GRIA4: variants seen among roughly 807,000 people sequenced by gnomAD.
GRIA4 encodes the protein glutamate ionotropic receptor AMPA type subunit 4.
A neutral mutation model predicts 104.0 loss-of-function variants in GRIA4; 34 were observed. That is an observed-to-expected ratio of 0.33 (90% CI 0.25 to 0.44). GRIA4 has a LOEUF of 0.44. GRIA4 is among the 20% of genes least tolerant of loss of function. The pLI is 1.00. For missense variants in GRIA4, 750 were observed against 1,096.5 expected (o/e 0.68, Z 4.46); for synonymous variants, 386 against 381.9 (o/e 1.01, Z -0.13).
chr11:105,971,494 T>G (rs551565927), intron 14 of GRIA4, among the ~76,000 whole-genome samples: 6 of 152,290 alleles, frequency 3.9e-5, no homozygotes, highest in African/African-American at 7.2e-5. Flanking sequence ...TGAATCATAA[T>G]GCATGCAAGC....
intron 14 of GRIA4, among the ~76,000 whole-genome samples, chr11:105,941,021 T>C (rs1304878547): frequency 6.6e-6 from 1 of 152,164 alleles, no homozygotes; most frequent in Admixed American, 6.6e-5. Flanking sequence ...ACATCTGAGA[T>C]AACTGACACA....
At chr11:105,874,089 T>C (rs914476274) in intron 5 of GRIA4, among the ~76,000 whole-genome samples, 3 of 152,214 alleles carry the variant, frequency 2.0e-5, no homozygotes, top group African/African-American at 7.2e-5. Flanking sequence ...GAGTTAATTT[T>C]TGTATAAGGT....
chr11:105,828,693 G>T (rs1565268194), intron 4 of GRIA4, among the ~76,000 whole-genome samples: 1 of 151,414 alleles, frequency 6.6e-6, no homozygotes, highest in Non-Finnish European at 1.5e-5. Flanking sequence ...GAGGCTTTCA[G>T]ACTTTCACTC....
intron 3 of GRIA4, among the ~76,000 whole-genome samples, chr11:105,741,738 C>T (rs1369856299): frequency 6.6e-6 from 1 of 152,112 alleles, no homozygotes; most frequent in East Asian, 1.9e-4. Flanking sequence ...CAATATTTAT[C>T]CAATCATTTG....
At chr11:105,831,911 G>A (rs904480630) in intron 4 of GRIA4, among the ~76,000 whole-genome samples, 29 of 152,028 alleles carry the variant, frequency 1.9e-4, no homozygotes, top group African/African-American at 7.0e-4. Flanking sequence ...CTTTCTAAAT[G>A]GGGACACTGA....
chr11:105,717,593 G>A (rs2135565654), intron 3 of GRIA4, among the ~76,000 whole-genome samples: 1 of 151,898 alleles, frequency 6.6e-6, no homozygotes, highest in Non-Finnish European at 1.5e-5. Flanking sequence ...AATTCCAATG[G>A]TAATAAATTT....
rs745648977 is a variant in GRIA4, at chr11:105,980,937, A to G, written c.*1198A>G. The G allele has an allele frequency of 6.6e-6, 1 of 152,640 alleles. No individual in the cohort carries two copies. Among genetic ancestry groups the G allele is most frequent in the Admixed American group, 6.5e-5 (1 of 15,278 alleles). 9.5% of individuals were successfully genotyped at this position (152,640 alleles called of 1,614,324 possible). A position where few individuals can be genotyped will look rare whatever the true frequency, so the allele number is the denominator to read the frequency against. ...TGGGGAATGAATCACTGTCCTAACAACAACATACCTTGTAATTGTGTGTTG... is the reference window on the plus strand; with the variant it reads ...TGGGGAATGAATCACTGTCCTAACAGCAACATACCTTGTAATTGTGTGTTG... On this transcript the variant is annotated 3_prime_UTR_variant, in exon 17 of 17. Coordinates refer to ENST00000282499, the MANE Select transcript of GRIA4 (RefSeq NM_000829.4).
chr11:105,779,217 G>A (rs922850299), intron 4 of GRIA4, among the ~76,000 whole-genome samples: 1 of 151,822 alleles, frequency 6.6e-6, no homozygotes, highest in Non-Finnish European at 1.5e-5. Context: ...CCAAGTCTTT[G>A]CTATTGTGAA....
intron 3 of GRIA4, among the ~76,000 whole-genome samples, chr11:105,630,208 ATTTGTGAGTAAATTCC>A (rs1171718307): frequency 6.6e-6 from 1 of 152,176 alleles, no homozygotes; most frequent in Non-Finnish European, 1.5e-5. Context: ...ATGCTATTGT[ATTTGTGAGTAAATTCC>A]TAGTGCTTGA....
intron 3 of GRIA4, among the ~76,000 whole-genome samples, chr11:105,729,965 G>A (rs878995379): frequency 2.6e-5 from 4 of 152,176 alleles, no homozygotes; most frequent in South Asian, 2.1e-4. Flanking sequence ...TTAGAAAACC[G>A]GCACAAGACG....
At chr11:105,820,005 G>A (rs1943520716) in intron 4 of GRIA4, among the ~76,000 whole-genome samples, 2 of 152,056 alleles carry the variant, frequency 1.3e-5, no homozygotes, top group South Asian at 4.1e-4. Context: ...AGAGGTTGAA[G>A]TTATACTACT....
At chr11:105,961,860 C>A (rs1481451575) in intron 14 of GRIA4, among the ~76,000 whole-genome samples, 1 of 152,128 alleles carries the variant, frequency 6.6e-6, no homozygotes, top group Admixed American at 6.5e-5. Flanking sequence ...TATACTATTG[C>A]CATCATAGCC....
intron 4 of GRIA4, among the ~76,000 whole-genome samples, chr11:105,774,082 T>C (rs910490668): frequency 1.3e-4 from 20 of 151,624 alleles, no homozygotes; most frequent in African/African-American, 4.1e-4. Flanking sequence ...CCATCAAAAT[T>C]AGTAGATTAC....
intron 6 of GRIA4, among the ~76,000 whole-genome samples, chr11:105,895,024 C>T: frequency 9.6e-6 from 1 of 104,064 alleles, no homozygotes; most frequent in Admixed American, 1.1e-4. Flanking sequence ...TGGTCTCGAT[C>T]TCCTGACCTC....
chr11:105,725,987 C>A (rs1382935251), intron 3 of GRIA4, among the ~76,000 whole-genome samples: 1 of 152,118 alleles, frequency 6.6e-6, no homozygotes, highest in East Asian at 1.9e-4. Context: ...AGACACTGAG[C>A]TAGCTGCAGG....
chr11:105,668,677 C>G (rs71464752), intron 3 of GRIA4, among the ~76,000 whole-genome samples: 3 of 140,514 alleles, frequency 2.1e-5, no homozygotes, highest in African/African-American at 5.3e-5. Context: ...TATCTTTTGT[C>G]TTTTTTTTTT....
intron 14 of GRIA4, 24 bp from the exon 15 acceptor site, chr11:105,971,890 A>G: frequency 7.4e-7 from 1 of 1,354,334 alleles, no homozygotes; most frequent in Non-Finnish European, 1.1e-6. Context: ...ATATAATGTT[A>G]TTTATGTTAT....
chr11:105,810,276 C>G (rs1347055831), intron 4 of GRIA4, among the ~76,000 whole-genome samples: 1 of 152,166 alleles, frequency 6.6e-6, no homozygotes, highest in Admixed American at 6.5e-5. Context: ...GTGACAGTTG[C>G]AATCACTTAA....
chr11:105,688,306 C>T (rs1952965104), intron 3 of GRIA4, among the ~76,000 whole-genome samples: 1 of 152,094 alleles, frequency 6.6e-6, no homozygotes, highest in Non-Finnish European at 1.5e-5. Context: ...CACCTGTAAT[C>T]CCAGCACTTT....
Sources: allele counts gnomAD v4.1 joint callset (sites outside exome capture counted in the v4.1 genomes callset), GRCh38; gene constraint gnomAD v4.1.1; transcripts MANE v1.5; gene names NCBI Gene and HGNC (gene_info 2026-07-23, HGNC 2026-07-21).